The following EIF2AK3 variants were observed in gnomAD, a reference collection of about 807,000 sequenced individuals.
The protein encoded by EIF2AK3 is eukaryotic translation initiation factor 2-alpha kinase 3.
In EIF2AK3, 50 loss-of-function variants were observed where a neutral mutation model predicts 113.5. The observed-to-expected ratio is 0.44, with a 90% confidence interval of 0.35 to 0.56. EIF2AK3 has a LOEUF of 0.56. Among genes scored for constraint, EIF2AK3 ranks in the 20% least tolerant of loss-of-function variants. The pLI is 0.00. For synonymous variants in EIF2AK3, 448 were observed against 495.4 expected, an observed-to-expected ratio of 0.90 and a Z score of 1.27; for missense variants, 1,185 against 1,378.0, an observed-to-expected ratio of 0.86 and a Z score of 2.22.
At chr2:88,610,567 T>C (rs1675429560) in intron 2 of EIF2AK3, among the ~76,000 whole-genome samples, 1 of 152,330 alleles carries the variant, frequency 6.6e-6, no homozygotes, top group Admixed American at 6.5e-5. Flanking sequence ...AAAACAACAA[T>C]GCAATATATT....
chr2:88,615,491 G>A (rs1675546537), intron 1 of EIF2AK3, among the ~76,000 whole-genome samples: 1 of 152,170 alleles, frequency 6.6e-6, no homozygotes, highest in Non-Finnish European at 1.5e-5. Flanking sequence ...TATAAAAGCA[G>A]CCCCAGAGAT....
At chr2:88,623,406 G>T (rs546221992) in intron 1 of EIF2AK3, among the ~76,000 whole-genome samples, 1 of 152,248 alleles carries the variant, frequency 6.6e-6, no homozygotes, top group African/African-American at 2.4e-5. Flanking sequence ...TCATTCACAT[G>T]CTTGATATGC....
chr2:88,594,830 T>TAAA (rs58582485), intron 3 of EIF2AK3, among the ~76,000 whole-genome samples: 13 of 115,068 alleles, frequency 1.1e-4, no homozygotes, highest in East Asian at 2.9e-4. Flanking sequence ...TGTCAAAATG[T>TAAA]AAAAAAAAAA....
chr2:88,558,848 C>T lies in EIF2AK3; in HGVS notation c.3150+69G>A, dbSNP rs76949751. 11,965 of 1,255,964 alleles carry T rather than the reference C, an allele frequency of 9.5e-3. 737 individuals carry two copies. The African/African-American group carries it at 0.15, about 15-fold the overall frequency. The allele number at this position is 1,255,964 out of a possible 1,614,324, so 77.8% of individuals were successfully genotyped here. On this transcript the variant is annotated intron_variant, in intron 16 of 16. Coordinates refer to ENST00000303236, the MANE Select transcript of EIF2AK3 (RefSeq NM_004836.7). ...ATCTGTAAAATAGGGGAAACTGAGT[C>T]GACTGCTAAGGACCGCTTACGTTCT... is the stretch of plus-strand genomic sequence containing the variant.
chr2:88,623,218 A>C (rs943600938), intron 1 of EIF2AK3, among the ~76,000 whole-genome samples: 6 of 152,254 alleles, frequency 3.9e-5, no homozygotes, highest in African/African-American at 7.2e-5. Flanking sequence ...AATTACATAA[A>C]CATATGTAAA....
chr2:88,585,241 A>G (rs1674690635), intron 9 of EIF2AK3, among the ~76,000 whole-genome samples: 2 of 152,262 alleles, frequency 1.3e-5, no homozygotes, highest in South Asian at 4.1e-4. Context: ...AGGGAGAGCA[A>G]AATGATTTCA....
At chr2:88,600,610 C>T (rs1344740497) in intron 2 of EIF2AK3, among the ~76,000 whole-genome samples, 2 of 152,132 alleles carry the variant, frequency 1.3e-5, no homozygotes, top group African/African-American at 2.4e-5. Flanking sequence ...AATCATAAAG[C>T]AGTTTAGTAA....
intron 3 of EIF2AK3, chr2:88,594,063 C>CTA: frequency 2.5e-6 from 1 of 396,426 alleles, no homozygotes; most frequent in Non-Finnish European, 3.4e-6. Context: ...GCATGGCCTC[C>CTA]TCAACACAAT....
At chr2:88,595,107 C>G (rs1028145107) in intron 3 of EIF2AK3, among the ~76,000 whole-genome samples, 1 of 137,172 alleles carries the variant, frequency 7.3e-6, no homozygotes, top group Non-Finnish European at 1.5e-5. Flanking sequence ...GCACAAGAAT[C>G]GCTTGAACCC....
chr2:88,595,018 C>T (rs939702540), intron 3 of EIF2AK3, among the ~76,000 whole-genome samples: 100 of 151,562 alleles, frequency 6.6e-4, no homozygotes, highest in African/African-American at 2.4e-3. Context: ...TACAGTAAAA[C>T]CCTGTCTCTA....
chr2:88,576,277 A>G (rs914124906), intron 12 of EIF2AK3, among the ~76,000 whole-genome samples: 1 of 152,172 alleles, frequency 6.6e-6, no homozygotes, highest in Non-Finnish European at 1.5e-5. Context: ...ACAGGGTCTC[A>G]CTATGTTGCT....
At chr2:88,583,925 A>G (rs1441173222) in intron 9 of EIF2AK3, among the ~76,000 whole-genome samples, 4 of 152,200 alleles carry the variant, frequency 2.6e-5, no homozygotes, top group Non-Finnish European at 4.4e-5. Context: ...CCCAGTAACA[A>G]TAACAACAAC....
intron 2 of EIF2AK3, chr2:88,595,928 A>G (rs934808616): frequency 3.0e-5 from 15 of 504,562 alleles, no homozygotes; most frequent in Non-Finnish European, 3.9e-5. Context: ...AACTCAGTTT[A>G]CCATGGGCCA....
chr2:88,576,696 C>T lies in EIF2AK3; in HGVS notation c.1894G>A (p.Ala632Thr). ...ACTTCTCGCATTACCTTTTCCCGAG[C>T]CAATTCCCTGAAAGAGAGAAAATAT... ...KRIRLPNREL[A>T]REKVMREVKA... Residue 632 changes from alanine (A) to threonine (T), a missense_variant, in exon 12 of 17, where the codon GCT becomes ACT. Physicochemically the swap from Ala to Thr is moderately conservative, Grantham distance 58 (BLOSUM62 0). Transcript: ENST00000303236. 1 of 1,613,936 alleles carries T rather than the reference C, an allele frequency of 6.2e-7. No individual in the cohort carries two copies. The highest frequency in any genetic ancestry group is 8.5e-7 in the Non-Finnish European group (1 of 1,179,978).
intron 14 of EIF2AK3, among the ~76,000 whole-genome samples, chr2:88,569,656 G>C (rs1482371868): frequency 6.6e-6 from 1 of 152,136 alleles, no homozygotes; most frequent in African/African-American, 2.4e-5. Flanking sequence ...AATGCACAAT[G>C]TAAAGTCAAG....
intron 2 of EIF2AK3, among the ~76,000 whole-genome samples, chr2:88,612,571 C>A (rs1675482049): frequency 6.6e-6 from 1 of 152,170 alleles, no homozygotes; most frequent in Non-Finnish European, 1.5e-5. Flanking sequence ...AAAGTCTACT[C>A]AGGGTTCAGC....
intron 11 of EIF2AK3, 25 bp downstream of exon 11, chr2:88,579,493 G>C (rs780096326): frequency 1.9e-6 from 3 of 1,612,648 alleles, no homozygotes; most frequent in Non-Finnish European, 2.5e-6. Context: ...CTGATTTCAA[G>C]TTTACTGAAG....
intron 10 of EIF2AK3, 84 bp from the exon 11 acceptor site, chr2:88,579,724 C>A: frequency 7.7e-7 from 1 of 1,292,372 alleles, no homozygotes; most frequent in Non-Finnish European, 1.1e-6. Context: ...TCTTATGACA[C>A]ATAAAAATGT....
Position 88,595,468 on chromosome 2 carries a change from C to T in EIF2AK3, c.633+1G>A. The stretch of plus-strand genomic sequence containing the variant: ...AAAGTAAATTCAGCATTTTCACTTA[C>T]CTTTCCACTATATGCACTGAGTCCA... On this transcript the variant is annotated splice_donor_variant, in intron 3 of 16. Transcript: ENST00000303236. LOFTEE classifies it high-confidence loss of function. The T allele has an allele frequency of 6.2e-7, 1 of 1,613,912 alleles. No homozygotes were observed. Among genetic ancestry groups the T allele is most frequent in the Non-Finnish European group, 8.5e-7 (1 of 1,179,890 alleles).
Sources: allele counts gnomAD v4.1 joint callset (sites outside exome capture counted in the v4.1 genomes callset), GRCh38; gene constraint gnomAD v4.1.1; transcripts MANE v1.5; gene names NCBI Gene and HGNC (gene_info 2026-07-23, HGNC 2026-07-21).